The following ABLIM3 variants were observed in gnomAD, a reference collection of about 807,000 sequenced individuals.
ABLIM3 encodes the protein actin-binding LIM protein 3.
Under a neutral mutation model 109.5 loss-of-function variants are expected in ABLIM3, and 61 were observed. The ratio of observed to expected loss-of-function variants is 0.56; its 90% CI spans 0.45 to 0.69. The LOEUF (loss-of-function observed/expected upper bound fraction) is 0.69, where lower values mean the gene tolerates loss of function less well. Ranked by LOEUF, ABLIM3 falls within the 30% of genes least tolerant of loss-of-function variation. ABLIM3 has a pLI of 0.00. For missense variants in ABLIM3, 796 were observed against 889.5 expected, an observed-to-expected ratio of 0.89 and a Z score of 1.34; for synonymous variants, 300 against 324.8, an observed-to-expected ratio of 0.92 and a Z score of 0.82.
At chr5:149,223,660 A>G (rs528630259) in intron 8 of ABLIM3, among the ~76,000 whole-genome samples, 4 of 152,300 alleles carry the variant, frequency 2.6e-5, no homozygotes, top group African/African-American at 9.6e-5. Flanking sequence ...GCAGTAGGAC[A>G]GAGGGCCTGG....
chr5:149,142,558 G>A (rs1752569225), intron 2 of ABLIM3, among the ~76,000 whole-genome samples: 1 of 152,160 alleles, frequency 6.6e-6, no homozygotes, highest in Admixed American at 6.5e-5. Context: ...CTGGGAAGCC[G>A]CAGTTTGATA....
At chr5:149,146,351 A>G (rs1752925820) in intron 2 of ABLIM3, among the ~76,000 whole-genome samples, 1 of 152,082 alleles carries the variant, frequency 6.6e-6, no homozygotes, top group Non-Finnish European at 1.5e-5. Flanking sequence ...TGTTTTTGTT[A>G]CAATTGCTTG....
chr5:149,142,947 C>T lies in ABLIM3; in HGVS notation c.13+839C>T, dbSNP rs532477935. ...GCCTGTCTAGGTTATTCCAGCATCG[C>T]ATAGGGCTGTTGAACCAGAGAACCC... is the stretch of plus-strand genomic sequence containing the variant. On this transcript the variant is annotated intron_variant, in intron 2 of 23. Coordinates refer to ENST00000309868, the MANE Select transcript of ABLIM3 (RefSeq NM_014945.5). Among the ~76,000 whole-genome samples the T allele has an allele frequency of 2.0e-5, 3 of 152,210 alleles. No homozygotes were observed. In the South Asian group the frequency reaches 6.2e-4, roughly 32 times the overall value.
At chr5:149,156,907 G>A (rs918632643) in intron 2 of ABLIM3, among the ~76,000 whole-genome samples, 6 of 152,204 alleles carry the variant, frequency 3.9e-5, no homozygotes, top group African/African-American at 7.2e-5. Flanking sequence ...CCCGTGAGCC[G>A]GTTTGCTGAC....
chr5:149,252,921 G>C, intron 23 of ABLIM3, 84 bp downstream of exon 23: 1 of 1,054,432 alleles, frequency 9.5e-7, no homozygotes, highest in Non-Finnish European at 1.5e-6. Context: ...AAGAGGGCTG[G>C]GTGGAATGAG....
chr5:149,240,191 G>C (rs1367916264), intron 13 of ABLIM3, among the ~76,000 whole-genome samples: 3 of 152,206 alleles, frequency 2.0e-5, no homozygotes, highest in Non-Finnish European at 4.4e-5. Context: ...CTCGTGGCCT[G>C]CCCCATCCGG....
chr5:149,142,038 T>G lies in ABLIM3; in HGVS notation c.-58T>G. 1 of 1,614,028 alleles carries G rather than the reference T, an allele frequency of 6.2e-7. No homozygotes were observed. Among genetic ancestry groups the G allele is most frequent in the Non-Finnish European group, 8.5e-7 (1 of 1,179,932 alleles). ...TGAGTGAGGTTCGAAGAACGGAAGA[T>G]TTAAAAAGCAGCCGGGGCCTCCGTA... On this transcript the variant is annotated 5_prime_UTR_variant, in exon 2 of 24. Coordinates refer to ENST00000309868, the MANE Select transcript of ABLIM3 (RefSeq NM_014945.5).
chr5:149,224,987 A>G (rs1239033782), intron 8 of ABLIM3, among the ~76,000 whole-genome samples: 2 of 152,192 alleles, frequency 1.3e-5, no homozygotes, highest in Admixed American at 6.5e-5. Flanking sequence ...ACCCAAGATT[A>G]TAATGATCAC....
At chr5:149,180,812 C>T (rs1305335706) in intron 2 of ABLIM3, among the ~76,000 whole-genome samples, 1 of 152,166 alleles carries the variant, frequency 6.6e-6, no homozygotes, top group African/African-American at 2.4e-5. Flanking sequence ...CTACTGCAGC[C>T]CCAGAAAATT....
At chr5:149,174,289 T>C (rs1310674836) in intron 2 of ABLIM3, among the ~76,000 whole-genome samples, 1 of 152,026 alleles carries the variant, frequency 6.6e-6, no homozygotes, top group Non-Finnish European at 1.5e-5. Flanking sequence ...AAAAAAAAGT[T>C]TGGAAACCTC....
chr5:149,248,775 G>A (rs1295560188), intron 18 of ABLIM3, among the ~76,000 whole-genome samples: 2 of 150,924 alleles, frequency 1.3e-5, no homozygotes, highest in Non-Finnish European at 2.9e-5. Context: ...GAGGTAGTGA[G>A]TCTACCATGA....
At position 149,210,822 on chromosome 5, in the gene ABLIM3, G is replaced by A; in HGVS notation, c.669+3G>A. 1 of 1,613,784 alleles carries A rather than the reference G, an allele frequency of 6.2e-7. No individual in the cohort carries two copies. Among genetic ancestry groups the A allele is most frequent in the South Asian group, 1.1e-5 (1 of 91,066 alleles). ...ACATCAGTGGCAGAGTCTTGGAGGT[G>A]AGTGGGTATAAGTAACCGTGAAGAT... is the stretch of plus-strand genomic sequence containing the variant. On this transcript the variant is annotated splice_donor_region_variant and intron_variant, in intron 7 of 23. Coordinates refer to ENST00000309868, the MANE Select transcript of ABLIM3 (RefSeq NM_014945.5).
Position 149,246,534 on chromosome 5 carries a change from C to T in ABLIM3, c.1539C>T (p.Arg513=). 1 of 1,614,126 alleles carries T rather than the reference C, an allele frequency of 6.2e-7. No homozygotes were observed. Among genetic ancestry groups the T allele is most frequent in the Non-Finnish European group, 8.5e-7 (1 of 1,180,028 alleles). ...SSGGEEDDFD[R]SMHKLQSGIG... ...GAGGAGAGGAGGATGATTTTGACCG[C>T]AGCATGCACAAGGTGGGCAGAGACC... is the stretch of plus-strand genomic sequence containing the variant. Residue 513 remains arginine (R), a synonymous_variant, in exon 17 of 24, where the codon CGC becomes CGT. Transcript: ENST00000309868.
intron 17 of ABLIM3, 151 bp from the exon 18 acceptor site, chr5:149,247,631 A>C: frequency 2.0e-6 from 2 of 994,158 alleles, no homozygotes; most frequent in East Asian, 2.6e-5. Context: ...AACAGGAAAC[A>C]TGGGTGCCAC....
In ABLIM3 at chr5:149,200,354, G is replaced by A. The variant is rs35907283; in HGVS notation, c.374G>A (p.Gly125Asp). The A allele has an allele frequency of 1.7e-3, 2,777 of 1,614,200 alleles. 37 individuals carry two copies. In the African/African-American group the frequency reaches 0.031, roughly 18 times the overall value. Residue 125 changes from glycine (G) to aspartate (D), a missense_variant, in exon 5 of 24, where the codon GGT becomes GAT. Coordinates refer to ENST00000309868, the MANE Select transcript of ABLIM3 (RefSeq NM_014945.5). Reference protein sequence around the residue: ...FPIGDKVTFSGKECVCQTCSQ... With the variant: ...FPIGDKVTFSDKECVCQTCSQ... Reference sequence around the variant, plus strand: ...ATTGGAGACAAGGTGACCTTCAGCGGTAAAGAATGTGTGTGCCAAACGTGC... The same window carrying A: ...ATTGGAGACAAGGTGACCTTCAGCGATAAAGAATGTGTGTGCCAAACGTGC...
intron 2 of ABLIM3, among the ~76,000 whole-genome samples, chr5:149,166,726 A>T (rs971927731): frequency 1.3e-5 from 2 of 152,256 alleles, no homozygotes; most frequent in Non-Finnish European, 2.9e-5. Context: ...TCTAAAGAAT[A>T]AAAGTTGGCA....
chr5:149,205,907 A>G (rs76185755), intron 5 of ABLIM3, among the ~76,000 whole-genome samples: 103 of 152,286 alleles, frequency 6.8e-4, no homozygotes, highest in African/African-American at 2.4e-3. Context: ...TTGCAGACAC[A>G]TCATCTTTTC....
At position 149,201,328 on chromosome 5, in the gene ABLIM3, C is replaced by T. The variant is rs73263854; in HGVS notation, c.448+900C>T. ...TGTTATATGACACTCTCACTGGCCT[C>T]GACAAGAAAATCAATGAAAATTCCA... On this transcript the variant is annotated intron_variant, in intron 5 of 23. Transcript: ENST00000309868. Among the ~76,000 whole-genome samples, 1,357 of 152,230 alleles carry T rather than the reference C, an allele frequency of 8.9e-3. 12 individuals carry two copies. The highest frequency in any genetic ancestry group is 0.03 in the African/African-American group (1,261 of 41,538).
rs749228275 is a variant in ABLIM3, at chr5:149,198,422, G to T, written c.335+20G>T. 6.3e-7 allele frequency: 1 copy of T among 1,586,474 alleles called. No individual in the cohort carries two copies. The highest frequency in any genetic ancestry group is 2.2e-5 in the East Asian group (1 of 44,606). ...GTGCAGGTGAGTGGGCGACCAGCAG[G>T]GCCTGGGACCCTCTGCATAAGCCCC... On this transcript the variant is annotated intron_variant, in intron 4 of 23. Coordinates refer to ENST00000309868, the MANE Select transcript of ABLIM3 (RefSeq NM_014945.5). The surrounding 1 kb of genome is among the most constrained non-coding windows in gnomAD (Gnocchi z 4.2).
Sources: gnomAD v4.1 joint callset for allele counts (sites outside exome capture counted in the v4.1 genomes callset) on GRCh38, gnomAD v4.1.1 for gene constraint, Gnocchi (gnomAD v3.1) non-coding constraint, MANE v1.5 for transcripts, NCBI Gene and HGNC (gene_info 2026-07-23, HGNC 2026-07-21) for gene names.